The following NSRP1 variants were observed in gnomAD, a reference collection of about 807,000 sequenced individuals.
The protein encoded by NSRP1 is coiled-coil domain containing 55.
NSRP1 carries 24 observed loss-of-function variants against 54.7 expected under a neutral mutation model. The ratio of observed to expected loss-of-function variants is 0.44; its 90% CI spans 0.32 to 0.62. The LOEUF (loss-of-function observed/expected upper bound fraction) is 0.62, where lower values mean the gene tolerates loss of function less well. Among genes scored for constraint, NSRP1 ranks in the 20% least tolerant of loss-of-function variants. The pLI is 0.06. For missense variants in NSRP1, 596 were observed against 651.2 expected, an observed-to-expected ratio of 0.92 and a Z score of 0.92; for synonymous variants, 210 against 213.8, an observed-to-expected ratio of 0.98 and a Z score of 0.15.
chr17:30,123,615 T>A (rs1461207542), intron 2 of NSRP1, among the ~76,000 whole-genome samples: 1 of 152,250 alleles, frequency 6.6e-6, no homozygotes, highest in Non-Finnish European at 1.5e-5. Context: ...TTTAGTGTCC[T>A]ACCTAAGAAA....
chr17:30,122,646 T>A (rs1031098614), intron 2 of NSRP1: 1 of 151,192 alleles, frequency 6.6e-6, no homozygotes, highest in African/African-American at 2.4e-5. Flanking sequence ...TCAGGTGATC[T>A]GCCTGCCTCG....
At chr17:30,179,913 T>C (rs903439267) in intron 5 of NSRP1, among the ~76,000 whole-genome samples, 6 of 151,954 alleles carry the variant, frequency 3.9e-5, no homozygotes, top group African/African-American at 1.5e-4. Context: ...CATGGCTCAC[T>C]GCAGCCCTGA....
rs1189937532 is a variant in NSRP1, at chr17:30,186,307, T to A, written c.*633T>A. 6.6e-6 allele frequency: 1 copy of A among 152,172 alleles called. No individual in the cohort carries two copies. Among genetic ancestry groups the A allele is most frequent in the Non-Finnish European group, 1.5e-5 (1 of 68,028 alleles). 9.4% of individuals were successfully genotyped at this position (152,172 alleles called of 1,614,324 possible). ...ATAAATAATTTAACTCTTCTAATAA[T>A]GTTTTGTTGCAGGAAATGTATTTCA... On this transcript the variant is annotated 3_prime_UTR_variant, in exon 7 of 7. Transcript: ENST00000247026.
Position 30,184,870 on chromosome 17 carries a change from A to C in NSRP1, c.873A>C (p.Ser291=), listed in dbSNP as rs745754055. ...ACAGGAGTCAAAACCACTCTCGGTC[A>C]CCTAGTGAAGAAAGAGGGCACAGTA... ...KHHRSQNHSR[S]PSEERGHSTR... The change falls in exon 7 of 7, where the codon TCA becomes TCC. Residue 291 remains serine (S), a synonymous_variant. Transcript: ENST00000247026. 2.5e-6 allele frequency: 4 copies of C among 1,614,044 alleles called. No individual in the cohort carries two copies. The highest frequency in any genetic ancestry group is 3.3e-5 in the Admixed American group (2 of 59,996).
In NSRP1 at chr17:30,171,934, T is replaced by TCACACACACA. The variant is rs746244255; in HGVS notation, c.115-578_115-569dup. On this transcript the variant is annotated intron_variant, in intron 2 of 6. Coordinates refer to ENST00000247026, the MANE Select transcript of NSRP1 (RefSeq NM_032141.4). ...ATCTAGACCAGTCTTTCCCCATTTC[T>TCACACACACA]CACACACACACACACACACACACAC... Among the ~76,000 whole-genome samples, 248 of 113,412 alleles carry TCACACACACA rather than the reference T, an allele frequency of 2.2e-3. 1 individual carries two copies. Among genetic ancestry groups the TCACACACACA allele is most frequent in the African/African-American group, 5.6e-3 (162 of 29,152 alleles). 74.4% of individuals were successfully genotyped at this position (113,412 alleles called of 152,430 possible).
At chr17:30,153,207 G>A (rs9897148) in intron 2 of NSRP1, among the ~76,000 whole-genome samples, 3 of 151,930 alleles carry the variant, frequency 2.0e-5, no homozygotes, top group South Asian at 2.1e-4. Context: ...ATAAGCCACC[G>A]TGCCCGGCCT....
At chr17:30,140,933 A>G (rs1178774419) in intron 2 of NSRP1, among the ~76,000 whole-genome samples, 1 of 151,736 alleles carries the variant, frequency 6.6e-6, no homozygotes, top group African/African-American at 2.4e-5. Context: ...TCCCACCTCA[A>G]CCTCCTAAGT....
chr17:30,185,676 G>C lies in NSRP1; in HGVS notation c.*2G>C, dbSNP rs1905511347. 5 of 1,550,922 alleles carry C rather than the reference G, an allele frequency of 3.2e-6. No homozygotes were observed. Among genetic ancestry groups the C allele is most frequent in the African/African-American group, 2.8e-5 (2 of 71,854 alleles). On this transcript the variant is annotated 3_prime_UTR_variant, in exon 7 of 7. Transcript: ENST00000247026. Reference sequence around the variant, plus strand: ...TATATTGAGAAAGAAGATGATTGATGGCTACCCCAAGAGAAAGATTTAAGG... The same window carrying C: ...TATATTGAGAAAGAAGATGATTGATCGCTACCCCAAGAGAAAGATTTAAGG...
intron 2 of NSRP1, among the ~76,000 whole-genome samples, chr17:30,146,459 G>T (rs192036333): frequency 6.6e-6 from 1 of 152,088 alleles, no homozygotes; most frequent in Admixed American, 6.5e-5. Context: ...AAACTCCTGG[G>T]CTCAAGTAGT....
At chr17:30,171,970 ACACTCCCTCTCTCT>A (rs1323498535) in intron 2 of NSRP1, among the ~76,000 whole-genome samples, 14 of 99,156 alleles carry the variant, frequency 1.4e-4, no homozygotes, top group African/African-American at 4.9e-4. Flanking sequence ...ACACACACAC[ACACTCCCTCTCTCT>A]CTCTCTCTCT....
chr17:30,186,416 T>C lies in NSRP1; in HGVS notation c.*742T>C, dbSNP rs1311549844. 2 of 152,222 alleles carry C rather than the reference T, an allele frequency of 1.3e-5. No homozygotes were observed. Among genetic ancestry groups the C allele is most frequent in the African/African-American group, 4.8e-5 (2 of 41,454 alleles). The allele number at this position is 152,222 out of a possible 1,614,324, so 9.4% of individuals were successfully genotyped here. A position where few individuals can be genotyped will look rare whatever the true frequency, so the allele number is the denominator to read the frequency against. On this transcript the variant is annotated 3_prime_UTR_variant, in exon 7 of 7. Coordinates refer to ENST00000247026, the MANE Select transcript of NSRP1 (RefSeq NM_032141.4). ...AGTATAAAATGTGAATCATCTTGTCTAAATAGCTTACAGCATAGTTGGCTT... is the reference window on the plus strand; with the variant it reads ...AGTATAAAATGTGAATCATCTTGTCCAAATAGCTTACAGCATAGTTGGCTT...
intron 2 of NSRP1, chr17:30,127,984 A>C (rs1204521266): frequency 5.0e-6 from 2 of 396,834 alleles, no homozygotes; most frequent in African/African-American, 2.1e-5. Context: ...ACAGGCACAC[A>C]CCACCATGCC....
chr17:30,142,356 T>G (rs1259704968), intron 2 of NSRP1, among the ~76,000 whole-genome samples: 1 of 152,178 alleles, frequency 6.6e-6, no homozygotes, highest in Non-Finnish European at 1.5e-5. Context: ...GGGTGGGTTT[T>G]GCTTTGTTGC....
chr17:30,180,436 G>T lies in NSRP1; in HGVS notation c.509-472G>T, dbSNP rs189852628. 2.0e-5 allele frequency among the ~76,000 whole-genome samples: 3 copies of T among 152,320 alleles called. No individual in the cohort carries two copies. In the East Asian group the frequency reaches 5.8e-4, roughly 29 times the overall value. On this transcript the variant is annotated intron_variant, in intron 5 of 6. Coordinates refer to ENST00000247026, the MANE Select transcript of NSRP1 (RefSeq NM_032141.4). The stretch of plus-strand genomic sequence containing the variant: ...CTCCCAAAGTTGTAGGATTACAGGC[G>T]TGAGCCACTGCGCCCATCCTCTTCA...
chr17:30,164,438 C>A (rs1302213569), intron 2 of NSRP1, among the ~76,000 whole-genome samples: 1 of 151,738 alleles, frequency 6.6e-6, no homozygotes, highest in Non-Finnish European at 1.5e-5. Flanking sequence ...TTTTTTCCTT[C>A]GAGATAAAGT....
chr17:30,121,713 G>C (rs1413282661), intron 2 of NSRP1, among the ~76,000 whole-genome samples: 3 of 151,832 alleles, frequency 2.0e-5, no homozygotes, highest in African/African-American at 7.3e-5. Context: ...GGGATTACAG[G>C]CACCTGCCAC....
Position 30,118,070 on chromosome 17 carries a change from A to G in NSRP1, c.21-10A>G. 1.2e-6 allele frequency: 2 copies of G among 1,605,462 alleles called. No homozygotes were observed. The highest frequency in any genetic ancestry group is 1.7e-6 in the Non-Finnish European group (2 of 1,175,020). On this transcript the variant is annotated splice_polypyrimidine_tract_variant and intron_variant, in intron 1 of 6. Transcript: ENST00000247026. ...AGGTTTAATTTCTATTTCAAAAAAA[A>G]TATATGCAGGTATGGGCTTATTTTG...
chr17:30,178,802 CT>C (rs1905208128), intron 4 of NSRP1, among the ~76,000 whole-genome samples: 1 of 151,208 alleles, frequency 6.6e-6, no homozygotes, highest in Non-Finnish European at 1.5e-5. Context: ...AGGAACTTTT[CT>C]GATTTTTTTT....
chr17:30,154,815 T>C (rs988277435), intron 2 of NSRP1, among the ~76,000 whole-genome samples: 3 of 152,202 alleles, frequency 2.0e-5, no homozygotes, highest in Admixed American at 2.0e-4. Context: ...TGTATTATAC[T>C]TAACAGCTGA....
Sources: gnomAD v4.1 joint callset for allele counts (sites outside exome capture counted in the v4.1 genomes callset) on GRCh38, gnomAD v4.1.1 for gene constraint, MANE v1.5 for transcripts, NCBI Gene and HGNC (gene_info 2026-07-23, HGNC 2026-07-21) for gene names.